FSTL5: variants seen among roughly 807,000 people sequenced by gnomAD.
The protein encoded by FSTL5 is follistatin like 5, also known as follistatin-related protein 5.
Under a neutral mutation model 89.1 loss-of-function variants are expected in FSTL5, and 62 were observed. The observed-to-expected ratio is 0.70, with a 90% confidence interval of 0.57 to 0.86. The LOEUF (loss-of-function observed/expected upper bound fraction) is 0.86, where lower values mean the gene tolerates loss of function less well. FSTL5 is among the 40% of genes least tolerant of loss of function. The pLI is 0.00. For missense variants in FSTL5, 1,057 were observed against 1,001.6 expected (o/e 1.06, Z -0.75); for synonymous variants, 383 against 346.2 (o/e 1.11, Z -1.18).
chr4:161,909,859 T>A (rs1444158726), intron 4 of FSTL5, among the ~76,000 whole-genome samples: 1 of 152,138 alleles, frequency 6.6e-6, no homozygotes, highest in Non-Finnish European at 1.5e-5. Flanking sequence ...CTATGTTTCC[T>A]TATTCCCATC....
intron 6 of FSTL5, among the ~76,000 whole-genome samples, chr4:161,732,993 T>G (rs1413966865): frequency 6.6e-6 from 1 of 151,894 alleles, no homozygotes; most frequent in African/African-American, 2.4e-5. Flanking sequence ...CCATGTAATT[T>G]TATAGTCAGA....
At chr4:161,400,280 G>GA (rs1294094323) in intron 15 of FSTL5, among the ~76,000 whole-genome samples, 6 of 151,912 alleles carry the variant, frequency 3.9e-5, no homozygotes, top group Admixed American at 3.3e-4. Context: ...TTTGTACTGA[G>GA]AAAAAATATA....
chr4:161,466,072 G>C (rs977413914), intron 13 of FSTL5, among the ~76,000 whole-genome samples: 1 of 152,054 alleles, frequency 6.6e-6, no homozygotes, highest in Non-Finnish European at 1.5e-5. Context: ...TGCTTTGTAT[G>C]TTAACATAAA....
intron 3 of FSTL5, among the ~76,000 whole-genome samples, chr4:161,958,996 T>C (rs778365673): frequency 2.0e-5 from 3 of 152,100 alleles, no homozygotes; most frequent in Non-Finnish European, 4.4e-5. Flanking sequence ...TCTTCTTATG[T>C]TATAGTCTGA....
intron 3 of FSTL5, among the ~76,000 whole-genome samples, chr4:161,989,994 T>C (rs1736067634): frequency 6.6e-6 from 1 of 152,164 alleles, no homozygotes; most frequent in South Asian, 2.1e-4. Flanking sequence ...AATTTAAGTA[T>C]ACCTCAATAA....
At chr4:161,541,433 T>C (rs1731815078) in intron 9 of FSTL5, among the ~76,000 whole-genome samples, 1 of 152,042 alleles carries the variant, frequency 6.6e-6, no homozygotes. Context: ...CTTTTATTCA[T>C]TTAATTTCTG....
At chr4:161,517,327 C>A (rs938234328) in intron 10 of FSTL5, among the ~76,000 whole-genome samples, 9 of 152,158 alleles carry the variant, frequency 5.9e-5, no homozygotes, top group African/African-American at 2.2e-4. Flanking sequence ...GCTTTGATAT[C>A]TTTTATTCAT....
chr4:162,088,132 A>C (rs1405443108), intron 2 of FSTL5, among the ~76,000 whole-genome samples: 1 of 152,010 alleles, frequency 6.6e-6, no homozygotes, highest in African/African-American at 2.4e-5. Context: ...TATTTAAATA[A>C]TATGTGTGCC....
intron 8 of FSTL5, among the ~76,000 whole-genome samples, chr4:161,561,730 T>C (rs930268515): frequency 6.6e-6 from 1 of 152,056 alleles, no homozygotes; most frequent in African/African-American, 2.4e-5. Context: ...TGTAAATGTC[T>C]CAACTTGGCT....
chr4:161,964,734 T>C (rs1347118695), intron 3 of FSTL5, among the ~76,000 whole-genome samples: 1 of 152,072 alleles, frequency 6.6e-6, no homozygotes, highest in East Asian at 1.9e-4. Context: ...TTTCCTGTGT[T>C]TGCCTTCTAG....
At chr4:162,023,002 A>C (rs1388479900) in intron 3 of FSTL5, 2 of 152,162 alleles carry the variant, frequency 1.3e-5, no homozygotes, top group Admixed American at 1.3e-4. Flanking sequence ...AGTGATGGGT[A>C]CCCCCTAAAA....
intron 13 of FSTL5, among the ~76,000 whole-genome samples, chr4:161,477,351 A>G (rs1395392405): frequency 2.7e-5 from 4 of 150,618 alleles, no homozygotes; most frequent in African/African-American, 9.7e-5. Flanking sequence ...ATTTTTTTCC[A>G]TTTGAGTTTC....
intron 1 of FSTL5, among the ~76,000 whole-genome samples, chr4:162,135,403 T>G (rs142906455): frequency 6.6e-6 from 1 of 152,222 alleles, no homozygotes; most frequent in East Asian, 1.9e-4. Context: ...AAAATACAGA[T>G]AAGAAAAACT....
intron 1 of FSTL5, among the ~76,000 whole-genome samples, chr4:162,157,803 T>C (rs1733540061): frequency 6.6e-6 from 1 of 152,086 alleles, no homozygotes; most frequent in Non-Finnish European, 1.5e-5. Flanking sequence ...TGCAACTTTC[T>C]GGCACACCTG....
chr4:161,780,018 A>G (rs947590271), intron 4 of FSTL5, among the ~76,000 whole-genome samples: 4 of 148,716 alleles, frequency 2.7e-5, no homozygotes, highest in Non-Finnish European at 4.5e-5. Flanking sequence ...AATGTAAAAC[A>G]TTTGAGAGTA....
intron 4 of FSTL5, among the ~76,000 whole-genome samples, chr4:161,913,755 C>T (rs1206776760): frequency 6.6e-6 from 1 of 152,156 alleles, no homozygotes; most frequent in Non-Finnish European, 1.5e-5. Flanking sequence ...TTTGACTGCC[C>T]TGCGGGATTT....
chr4:161,601,629 C>T, intron 7 of FSTL5, among the ~76,000 whole-genome samples: 1 of 152,078 alleles, frequency 6.6e-6, no homozygotes, highest in Non-Finnish European at 1.5e-5. Context: ...GGTAGAGGGA[C>T]AAGAGCATAA....
chr4:162,029,213 C>A lies in FSTL5; in HGVS notation c.160+4412G>T, dbSNP rs76712263. Among the ~76,000 whole-genome samples the A allele has an allele frequency of 0.017, 2,561 of 151,008 alleles. 139 individuals carry two copies. In the East Asian group the frequency reaches 0.19, roughly 11 times the overall value. ...CGTGTGTGTGTGTAGACTGCAGGCG[C>A]CATAATACATTTATTGTCCCAAATA... is the stretch of plus-strand genomic sequence containing the variant. On this transcript the variant is annotated intron_variant, in intron 3 of 15. Transcript: ENST00000306100.
At chr4:161,806,527 C>T (rs1384054059) in intron 4 of FSTL5, among the ~76,000 whole-genome samples, 2 of 151,986 alleles carry the variant, frequency 1.3e-5, no homozygotes, top group African/African-American at 4.8e-5. Context: ...GCTAAAAATG[C>T]CTGTCAGATA....
Sources: gnomAD v4.1 joint callset for allele counts (sites outside exome capture counted in the v4.1 genomes callset) on GRCh38, gnomAD v4.1.1 for gene constraint, MANE v1.5 for transcripts, NCBI Gene and HGNC (gene_info 2026-07-23, HGNC 2026-07-21) for gene names.